SPTBN5: variants seen among roughly 807,000 people sequenced by gnomAD.
The protein encoded by SPTBN5 is spectrin beta chain, non-erythrocytic 5.
A neutral mutation model predicts 477.6 loss-of-function variants in SPTBN5; 513 were observed. The observed-to-expected ratio is 1.07, with a 90% CI of 1.00 to 1.16. The LOEUF is 1.16. Among genes scored for constraint, SPTBN5 ranks in the 50% most tolerant of loss-of-function variants. The pLI is 0.00. For missense variants in SPTBN5, 5,062 were observed against 4,731.8 expected, an observed-to-expected ratio of 1.07 and a Z score of -2.05; for synonymous variants, 2,169 against 2,011.7, an observed-to-expected ratio of 1.08 and a Z score of -2.09.
At position 41,862,674 on chromosome 15, in the gene SPTBN5, C is replaced by T. The variant is rs369725666; in HGVS notation, c.7264-14G>A. On this transcript the variant is annotated splice_polypyrimidine_tract_variant and intron_variant, in intron 42 of 67. Coordinates refer to ENST00000320955, the MANE Select transcript of SPTBN5 (RefSeq NM_016642.4). ...ACGCTCTAGGGACTGCGGGGGAAGC[C>T]GGGGTCAGAGGCTGGGGCAGGGGAG... 1,026 of 1,546,858 alleles carry T rather than the reference C, an allele frequency of 6.6e-4. 1 individual carries two copies. The highest frequency in any genetic ancestry group is 8.2e-4 in the Non-Finnish European group (938 of 1,149,896).
intron 46 of SPTBN5, 111 bp downstream of exon 46, chr15:41,861,308 C>A: frequency 1.1e-6 from 1 of 921,804 alleles, no homozygotes. Flanking sequence ...GGGGAGATGG[C>A]CCCGAAGGGG....
In SPTBN5 at chr15:41,861,867, T is replaced by C. The variant is rs993113792; in HGVS notation, c.7605A>G (p.Gln2535=). 5.6e-6 allele frequency: 9 copies of C among 1,608,524 alleles called. No individual in the cohort carries two copies. In the African/African-American group the frequency reaches 1.1e-4, roughly 19 times the overall value. ...SISLARSTGQ[Q]LLTAGHPFSS... is the part of the protein sequence containing the mutation. Reference sequence around the variant, plus strand: ...TGAAGGGGTGCCCCGCTGTGAGCAGTTGCTGCCCAGTGCTTCGGGCCAGGC... The same window carrying C: ...TGAAGGGGTGCCCCGCTGTGAGCAGCTGCTGCCCAGTGCTTCGGGCCAGGC... The change falls in exon 45 of 68, where the codon CAA becomes CAG. Residue 2535 remains glutamine, a synonymous_variant. Transcript: ENST00000320955.
At chr15:41,860,132 A>G (rs2066054690) in intron 47 of SPTBN5, among the ~76,000 whole-genome samples, 1 of 152,206 alleles carries the variant, frequency 6.6e-6, no homozygotes, top group Admixed American at 6.5e-5. Context: ...TGGGGCCAGC[A>G]CAGTGCTTTC....
intron 52 of SPTBN5, 122 bp from the exon 53 acceptor site, chr15:41,856,720 TC>T: frequency 7.5e-7 from 1 of 1,334,144 alleles, no homozygotes; most frequent in Non-Finnish European, 1.0e-6. Flanking sequence ...TCCCCATGAC[TC>T]CCAAAGAATC....
rs770113734 is a variant in SPTBN5 at position 41,892,985 on chromosome 15, G to GA, written c.292dup (p.Ser98PhefsTer149). On this transcript the variant is annotated frameshift_variant, in exon 3 of 68. Coordinates refer to ENST00000320955, the MANE Select transcript of SPTBN5 (RefSeq NM_016642.4). LOFTEE classifies it high-confidence loss of function. ...GCTCGGGGGTGGCAGGGCCTCCCCT[G>GA]AGATGAGCTCCAGCAGCCGCAGGAG... 2.5e-6 allele frequency: 4 copies of GA among 1,610,016 alleles called. No homozygotes were observed. Among genetic ancestry groups the GA allele is most frequent in the Non-Finnish European group, 3.4e-6 (4 of 1,179,776 alleles).
Position 41,851,853 on chromosome 15 carries a change from GA to G in SPTBN5, c.10585-4del. On this transcript the variant is annotated splice_polypyrimidine_tract_variant and splice_region_variant and intron_variant, in intron 62 of 67. Transcript: ENST00000320955. ...ATGGTGGGGGTACCCTTTGCATCCT[GA>G]AAATGCAAGATGGGGCCCAGAAATG... 1 of 1,608,078 alleles carries G rather than the reference GA, an allele frequency of 6.2e-7. No individual in the cohort carries two copies. Among genetic ancestry groups the G allele is most frequent in the Non-Finnish European group, 8.5e-7 (1 of 1,177,884 alleles).
chr15:41,890,011 A>C, intron 4 of SPTBN5, 78 bp downstream of exon 4: 2 of 892,370 alleles, frequency 2.2e-6, no homozygotes, highest in Non-Finnish European at 3.6e-6. Context: ...TGTGGAACTT[A>C]TGAATCCCCA....
At chr15:41,884,607 C>T (rs1256490742) in intron 7 of SPTBN5, among the ~76,000 whole-genome samples, 24 of 152,210 alleles carry the variant, frequency 1.6e-4, no homozygotes, top group Non-Finnish European at 2.9e-5. Context: ...CTATTCCCAA[C>T]ATGACATCCA....
chr15:41,879,899 C>A, intron 14 of SPTBN5, 35 bp from the exon 15 acceptor site: 4 of 1,612,272 alleles, frequency 2.5e-6, no homozygotes, highest in Non-Finnish European at 3.4e-6. Flanking sequence ...TCTTGGGGGA[C>A]TTTTTCTCTT....
intron 49 of SPTBN5, among the ~76,000 whole-genome samples, 194 bp downstream of exon 49, chr15:41,858,407 GC>G (rs1277070251): frequency 8.5e-5 from 13 of 152,168 alleles, no homozygotes; most frequent in African/African-American, 1.2e-4. Flanking sequence ...TGGAGAGGGT[GC>G]CCCCCCTGCC....
In SPTBN5 at chr15:41,862,788, A is replaced by C; in HGVS notation, c.7263+2T>G. On this transcript the variant is annotated splice_donor_variant, in intron 42 of 67. Transcript: ENST00000320955. LOFTEE classifies it high-confidence loss of function. ...GGCCCAGCTCTACAGCCAGCTACGC[A>C]CCTCCACCTGGGCCTGGATGGGGTG... The C allele has an allele frequency of 6.4e-7, 1 of 1,565,598 alleles. No individual in the cohort carries two copies. Among genetic ancestry groups the C allele is most frequent in the Admixed American group, 1.9e-5 (1 of 53,268 alleles).
Position 41,856,435 on chromosome 15 carries a change from C to A in SPTBN5, c.8972G>T (p.Arg2991Met), listed in dbSNP as rs748509385. The A allele has an allele frequency of 2.5e-6, 4 of 1,594,868 alleles. No homozygotes were observed. In the South Asian group the frequency reaches 4.5e-5, roughly 18 times the overall value. Residue 2991 changes from arginine (R) to methionine (M), a missense_variant, in exon 53 of 68, where the codon AGG (arginine) becomes ATG (methionine). Physicochemically the swap from Arg to Met is moderately conservative, Grantham distance 91. Coordinates refer to ENST00000320955, the MANE Select transcript of SPTBN5 (RefSeq NM_016642.4). ...MAHLRAEAARRRLLLQQAQEA... is the reference protein window; with the variant it reads ...MAHLRAEAARMRLLLQQAQEA... The stretch of plus-strand genomic sequence containing the variant: ...CTGAGCCTGCTGCAGCAGAAGCCGC[C>A]TCCGCGCCGCCTCTGCCCGCAGGTG...
intron 45 of SPTBN5, 27 bp from the exon 46 acceptor site, chr15:41,861,523 C>T (rs765736885): frequency 2.5e-6 from 4 of 1,610,298 alleles, no homozygotes; most frequent in African/African-American, 1.3e-5. Context: ...AGGCAAGAGA[C>T]AGTCGGTGGA....
intron 37 of SPTBN5, 51 bp downstream of exon 37, chr15:41,866,293 C>A: frequency 1.9e-6 from 3 of 1,571,318 alleles, no homozygotes; most frequent in Middle Eastern, 1.7e-4. Context: ...ACTGACATTG[C>A]CCCTGGGCCA....
In SPTBN5 at chr15:41,854,867, C is replaced by T. The variant is rs757307064; in HGVS notation, c.9533G>A (p.Arg3178Lys). 6.2e-6 allele frequency: 10 copies of T among 1,609,916 alleles called. 1 individual carries two copies. In the South Asian group the frequency reaches 9.9e-5, roughly 16 times the overall value. The change falls in exon 56 of 68, where the codon AGG becomes AAG. Residue 3178 changes from arginine (R) to lysine (K), a missense_variant. Arg to Lys is a conservative substitution (Grantham distance 26). Transcript: ENST00000320955. Reference protein sequence around the residue: ...LAGTLERGAPRRYPHIQAQRS... With the variant: ...LAGTLERGAPKRYPHIQAQRS... ...CTGGGCTTGGATGTGGGGATAGCGC[C>T]TGGGTGCACCCCGCTCCAGGGTGCC... is the stretch of plus-strand genomic sequence containing the variant.
At position 41,851,292 on chromosome 15, in the gene SPTBN5, C is replaced by T. The variant is rs1383865751; in HGVS notation, c.10734G>A (p.Met3578Ile). 1.9e-6 allele frequency: 3 copies of T among 1,551,162 alleles called. No homozygotes were observed. In the African/African-American group the frequency reaches 4.1e-5, roughly 21 times the overall value. Reference protein sequence around the residue: ...SSLSLFLDERMAAEKVASIAL... With the variant: ...SSLSLFLDERIAAEKVASIAL... The stretch of plus-strand genomic sequence containing the variant: ...CTACCCCGCCTGGTACCTCCGCTGC[C>T]ATCCTCTCATCCAGGAACAGGCTCA... The change falls in exon 64 of 68, where the codon ATG becomes ATA. Residue 3578 changes from methionine (M) to isoleucine (I), a missense_variant. Met to Ile is a conservative substitution (Grantham distance 10). Transcript: ENST00000320955.
intron 28 of SPTBN5, 116 bp from the exon 29 acceptor site, chr15:41,871,636 G>C: frequency 7.1e-7 from 1 of 1,410,604 alleles, no homozygotes; most frequent in Non-Finnish European, 9.3e-7. Context: ...TAGCCACGGC[G>C]TCTGCCCGCT....
chr15:41,850,242 C>CT, intron 66 of SPTBN5: 1 of 431,066 alleles, frequency 2.3e-6, no homozygotes, highest in African/African-American at 2.0e-5. Flanking sequence ...CTCAAGATCC[C>CT]TTTGGGCTCC....
intron 47 of SPTBN5, among the ~76,000 whole-genome samples, chr15:41,859,724 G>A (rs1398171052): frequency 6.6e-6 from 1 of 152,178 alleles, no homozygotes; most frequent in African/African-American, 2.4e-5. Context: ...GGTGACTGGG[G>A]TAGGGGGTGG....
Sources: gnomAD v4.1 joint callset for allele counts (sites outside exome capture counted in the v4.1 genomes callset) on GRCh38, gnomAD v4.1.1 for gene constraint, MANE v1.5 for transcripts, NCBI Gene and HGNC (gene_info 2026-07-23, HGNC 2026-07-21) for gene names.